The following CSMD1 variants were observed in gnomAD, a reference collection of about 807,000 sequenced individuals.
CSMD1 encodes the protein CUB and Sushi multiple domains 1, also known as CUB and sushi domain-containing protein 1.
Under a neutral mutation model 417.5 loss-of-function variants are expected in CSMD1, and 213 were observed. The observed-to-expected ratio is 0.51, with a 90% CI of 0.46 to 0.57. The LOEUF is 0.57. Among genes scored for constraint, CSMD1 ranks in the 20% least tolerant of loss-of-function variants. The pLI is 0.00. For synonymous variants in CSMD1, 2,862 were observed against 1,736.8 expected, an observed-to-expected ratio of 1.65 and a Z score of -16.11; for missense variants, 6,923 against 4,529.7, an observed-to-expected ratio of 1.53 and a Z score of -15.17.
rs375230727 is a variant in CSMD1 at position 3,048,643 on chromosome 8, T to C, written c.7660+3819A>G. 2.6e-5 allele frequency among the ~76,000 whole-genome samples: 4 copies of C among 152,062 alleles called. No individual in the cohort carries two copies. In the East Asian group the frequency reaches 7.7e-4, roughly 29 times the overall value. The stretch of plus-strand genomic sequence containing the variant: ...AAATATAAACTCCTAGAAGATAACA[T>C]AGGAGAAAATTGTGGTGCCCTTGGG... On this transcript the variant is annotated intron_variant, in intron 50 of 69. Coordinates refer to ENST00000635120, the MANE Select transcript of CSMD1 (RefSeq NM_033225.6).
chr8:3,603,033 G>C (rs1233615167), intron 8 of CSMD1, among the ~76,000 whole-genome samples: 1 of 152,124 alleles, frequency 6.6e-6, no homozygotes, highest in Non-Finnish European at 1.5e-5. Context: ...GCCCTATTTG[G>C]TGAATTGCTT....
chr8:3,488,679 T>C (rs1563085974), intron 11 of CSMD1, among the ~76,000 whole-genome samples: 1 of 152,104 alleles, frequency 6.6e-6, no homozygotes, highest in Non-Finnish European at 1.5e-5. Flanking sequence ...AATAATTATT[T>C]AAAGAATCAA....
intron 5 of CSMD1, among the ~76,000 whole-genome samples, chr8:3,898,275 A>C (rs1807499888): frequency 6.6e-6 from 1 of 152,206 alleles, no homozygotes; most frequent in South Asian, 2.1e-4. Flanking sequence ...GCATGAATAC[A>C]ACCAAAAAAA....
At chr8:4,010,656 C>G (rs1269441497) in intron 4 of CSMD1, among the ~76,000 whole-genome samples, 3 of 152,116 alleles carry the variant, frequency 2.0e-5, no homozygotes, top group African/African-American at 7.2e-5. Flanking sequence ...AATTTTTTGA[C>G]TCATGGGACC....
At chr8:3,847,592 G>C (rs2954210) in intron 5 of CSMD1, among the ~76,000 whole-genome samples, 19,933 of 152,070 alleles carry the variant, frequency 0.13, 1,500 homozygotes, top group East Asian at 0.35. Context: ...GAGAAGACTG[G>C]GGTAAGGGGT....
intron 12 of CSMD1, among the ~76,000 whole-genome samples, chr8:3,427,517 T>C (rs1813930434): frequency 6.6e-6 from 1 of 152,128 alleles, no homozygotes; most frequent in Admixed American, 6.6e-5. Flanking sequence ...TTAATAAGGA[T>C]GAAGTAAAAA....
chr8:3,588,787 G>T (rs927240433), intron 8 of CSMD1, among the ~76,000 whole-genome samples: 1 of 151,990 alleles, frequency 6.6e-6, no homozygotes, highest in African/African-American at 2.4e-5. Flanking sequence ...ACAGAGTGAA[G>T]AGACACCCTG....
chr8:4,078,083 T>A (rs943183691), intron 3 of CSMD1, among the ~76,000 whole-genome samples: 3 of 152,170 alleles, frequency 2.0e-5, no homozygotes, highest in African/African-American at 4.8e-5. Context: ...AATGCCTACA[T>A]GCCAAAGAGA....
chr8:4,516,505 C>T (rs747176824), intron 2 of CSMD1, among the ~76,000 whole-genome samples: 2 of 152,126 alleles, frequency 1.3e-5, no homozygotes, highest in Non-Finnish European at 2.9e-5. Context: ...CTATGATCCC[C>T]CTTCCTTGGG....
intron 37 of CSMD1, among the ~76,000 whole-genome samples, chr8:3,166,371 C>G (rs1202299360): frequency 6.6e-6 from 1 of 151,694 alleles, no homozygotes; most frequent in Non-Finnish European, 1.5e-5. Flanking sequence ...CCGTCTCGAC[C>G]ACAAATGCAA....
At chr8:3,018,172 A>G (rs766411109) in intron 52 of CSMD1, among the ~76,000 whole-genome samples, 1 of 152,238 alleles carries the variant, frequency 6.6e-6, no homozygotes. Flanking sequence ...AAAATGTACA[A>G]TATTTTTGAA....
In CSMD1 at chr8:4,686,329, T is replaced by C. The variant is rs145217018; in HGVS notation, c.86-48771A>G. ...ATGCAATCATGCCATTCCTGATTGA[T>C]TGGATTCAGGACACCCTAACCCTAA... On this transcript the variant is annotated intron_variant, in intron 1 of 69. Transcript: ENST00000635120. Among the ~76,000 whole-genome samples the C allele has an allele frequency of 1.2e-4, 19 of 152,314 alleles. No individual in the cohort carries two copies. The East Asian group carries it at 3.7e-3, about 29-fold the overall frequency.
chr8:4,247,720 G>T (rs955943558), intron 3 of CSMD1, among the ~76,000 whole-genome samples: 12 of 151,992 alleles, frequency 7.9e-5, no homozygotes, highest in African/African-American at 2.4e-4. Context: ...ATACTATAAC[G>T]CCCTTTTGAA....
chr8:3,166,236 A>G (rs1410217531), intron 37 of CSMD1, among the ~76,000 whole-genome samples: 2 of 152,166 alleles, frequency 1.3e-5, no homozygotes, highest in Non-Finnish European at 2.9e-5. Context: ...TTCTTATCAC[A>G]TCATGTCTGT....
rs187802817 is a variant in CSMD1 at position 4,040,736 on chromosome 8, G to A, written c.416-8637C>T. On this transcript the variant is annotated intron_variant, in intron 3 of 69. Transcript: ENST00000635120. ...ACACTGCAGGAGAGACTGCAGCAAA[G>A]TCAAAAACAAGGTAAGCGACCAGTT... Among the ~76,000 whole-genome samples, 8 of 152,256 alleles carry A rather than the reference G, an allele frequency of 5.3e-5. No homozygotes were observed. The East Asian group carries it at 1.5e-3, about 29-fold the overall frequency.
intron 1 of CSMD1, among the ~76,000 whole-genome samples, chr8:4,698,647 G>A (rs561065696): frequency 1.3e-5 from 2 of 150,124 alleles, no homozygotes; most frequent in East Asian, 2.0e-4. Flanking sequence ...AGGCAAGAAG[G>A]AAGGGAGAAG....
intron 19 of CSMD1, among the ~76,000 whole-genome samples, chr8:3,367,512 A>G (rs576228711): frequency 6.6e-6 from 1 of 151,952 alleles, no homozygotes; most frequent in Admixed American, 6.6e-5. Context: ...TTGCTGAAAA[A>G]TTTTTTCTGG....
intron 5 of CSMD1, among the ~76,000 whole-genome samples, chr8:3,801,959 T>A (rs952088714): frequency 6.6e-6 from 1 of 151,980 alleles, no homozygotes; most frequent in Non-Finnish European, 1.5e-5. Context: ...TGACTGATAA[T>A]AGGTACAGAA....
chr8:3,430,381 A>C (rs1486632740), intron 12 of CSMD1, among the ~76,000 whole-genome samples: 1 of 152,186 alleles, frequency 6.6e-6, no homozygotes, highest in Non-Finnish European at 1.5e-5. Flanking sequence ...ATGAGAGTGG[A>C]AGCTGTATCT....
Sources: allele counts gnomAD v4.1 joint callset (sites outside exome capture counted in the v4.1 genomes callset), GRCh38; gene constraint gnomAD v4.1.1; transcripts MANE v1.5; gene names NCBI Gene and HGNC (gene_info 2026-07-23, HGNC 2026-07-21).